The following ABCC8 variants were observed in gnomAD, a reference collection of about 807,000 sequenced individuals.
ABCC8 encodes ATP-binding cassette sub-family C member 8.
Under a neutral mutation model 188.0 loss-of-function variants are expected in ABCC8, and 137 were observed. The ratio of observed to expected loss-of-function variants is 0.73; its 90% CI spans 0.63 to 0.84. ABCC8 has a LOEUF of 0.84. ABCC8 is among the 40% of genes least tolerant of loss of function. The pLI is 0.00. For synonymous variants in ABCC8, 797 were observed against 846.5 expected (o/e 0.94, Z 1.01); for missense variants, 1,750 against 2,072.7 (o/e 0.84, Z 3.02).
chr11:17,459,926 A>G (rs76722212), intron 6 of ABCC8, among the ~76,000 whole-genome samples: 1,991 of 152,346 alleles, frequency 0.013, 26 homozygotes, highest in African/African-American at 0.044. Flanking sequence ...CTTTTCTTAA[A>G]AAAGAAATTT....
intron 5 of ABCC8, 88 bp downstream of exon 5, chr11:17,461,495 G>A: frequency 6.4e-7 from 1 of 1,556,670 alleles, no homozygotes; most frequent in Non-Finnish European, 8.8e-7. Context: ...GTCCCACCAG[G>A]ATTTTGACCT....
rs186281782 is a variant in ABCC8 at position 17,432,112 on chromosome 11, C to T, written c.1671+92G>A. On this transcript the variant is annotated intron_variant, in intron 11 of 38. Transcript: ENST00000389817. Reference sequence around the variant, plus strand: ...CTGTGGAGCCTGTCTTCTGAGGCCCCTGTGCAGAAAGGCCAAATCTGGGCA... The same window carrying T: ...CTGTGGAGCCTGTCTTCTGAGGCCCTTGTGCAGAAAGGCCAAATCTGGGCA... 3.8e-4 allele frequency: 562 copies of T among 1,486,908 alleles called. 1 individual carries two copies. The highest frequency in any genetic ancestry group is 4.9e-4 in the Non-Finnish European group (532 of 1,090,716). 92.1% of individuals were successfully genotyped at this position (1,486,908 alleles called of 1,614,324 possible).
chr11:17,402,523 C>T, intron 29 of ABCC8, 138 bp downstream of exon 29: 1 of 1,548,378 alleles, frequency 6.5e-7, no homozygotes, highest in East Asian at 2.4e-5. Flanking sequence ...ATCCCTTGGG[C>T]CTTGGGACCT....
intron 8 of ABCC8, among the ~76,000 whole-genome samples, chr11:17,446,349 T>C (rs1404384733): frequency 6.6e-6 from 1 of 152,000 alleles, no homozygotes; most frequent in Non-Finnish European, 1.5e-5. Flanking sequence ...CATGTTAGGA[T>C]CCTCCCAGGC....
chr11:17,453,962 G>A (rs1206067927), intron 6 of ABCC8, among the ~76,000 whole-genome samples: 1 of 152,136 alleles, frequency 6.6e-6, no homozygotes, highest in Non-Finnish European at 1.5e-5. Context: ...AAAGATACCA[G>A]GGATCAACAG....
chr11:17,430,359 T>C (rs1955788778), intron 12 of ABCC8: 1 of 298,308 alleles, frequency 3.4e-6, no homozygotes, highest in South Asian at 3.4e-5. Flanking sequence ...GCTGAGGCTG[T>C]GAGGGCTCAG....
At chr11:17,442,651 C>A in intron 10 of ABCC8, 69 bp downstream of exon 10, 1 of 1,515,514 alleles carries the variant, frequency 6.6e-7, no homozygotes, top group Non-Finnish European at 9.2e-7. Flanking sequence ...CCCTCTTACC[C>A]GAGCTCTGAC....
intron 8 of ABCC8, among the ~76,000 whole-genome samples, chr11:17,447,559 G>A (rs193218342): frequency 1.2e-3 from 188 of 152,212 alleles, no homozygotes; most frequent in African/African-American, 4.3e-3. Context: ...CCAGGTAGCT[G>A]GGACTAAAGG....
intron 38 of ABCC8, 37 bp from the exon 39 acceptor site, chr11:17,393,165 G>T: frequency 6.2e-7 from 1 of 1,601,798 alleles, no homozygotes; most frequent in Non-Finnish European, 8.5e-7. Context: ...AGGATGGTGG[G>T]AATACCACCC....
chr11:17,442,640 C>T (rs1327334916), intron 10 of ABCC8, 80 bp downstream of exon 10: 8 of 1,420,286 alleles, frequency 5.6e-6, no homozygotes, highest in African/African-American at 4.2e-5. Flanking sequence ...GTCCCTGCAC[C>T]CCCTCTTACC....
At chr11:17,432,957 G>C (rs1436679742) in intron 10 of ABCC8, among the ~76,000 whole-genome samples, 1 of 152,164 alleles carries the variant, frequency 6.6e-6, no homozygotes, top group African/African-American at 2.4e-5. Flanking sequence ...CCGTGCCTCA[G>C]TTTCCTCATA....
At chr11:17,425,647 T>C (rs1029298109) in intron 16 of ABCC8, among the ~76,000 whole-genome samples, 4 of 152,156 alleles carry the variant, frequency 2.6e-5, no homozygotes, top group Non-Finnish European at 4.4e-5. Flanking sequence ...CATTTCTCAG[T>C]TCCTATTTTC....
chr11:17,464,040 G>T (rs1449875024), intron 3 of ABCC8, among the ~76,000 whole-genome samples: 3 of 152,210 alleles, frequency 2.0e-5, no homozygotes, highest in African/African-American at 7.2e-5. Context: ...GAAAGGTTAG[G>T]TAACAGATCC....
chr11:17,436,650 T>G (rs1956109046), intron 10 of ABCC8, among the ~76,000 whole-genome samples: 1 of 152,208 alleles, frequency 6.6e-6, no homozygotes, highest in Non-Finnish European at 1.5e-5. Flanking sequence ...ACCTTCTTCT[T>G]GTGTAAGTGT....
chr11:17,460,959 G>A, intron 5 of ABCC8: 1 of 533,364 alleles, frequency 1.9e-6, no homozygotes, highest in Non-Finnish European at 3.3e-6. Flanking sequence ...CTGGAATGAG[G>A]AGGTGGCCAT....
intron 10 of ABCC8, chr11:17,436,276 G>A: frequency 2.3e-6 from 1 of 426,168 alleles, no homozygotes; most frequent in Non-Finnish European, 4.4e-6. Flanking sequence ...GATGTGGCTG[G>A]ACCTGGGAAG....
At chr11:17,440,169 G>A (rs56283872) in intron 10 of ABCC8, among the ~76,000 whole-genome samples, 4,701 of 152,152 alleles carry the variant, frequency 0.031, 104 homozygotes, top group South Asian at 0.076. Context: ...TTTCCTTGTT[G>A]TTTCCCTTCC....
intron 10 of ABCC8, among the ~76,000 whole-genome samples, chr11:17,433,302 T>G (rs192298140): frequency 2.2e-4 from 34 of 152,326 alleles, no homozygotes; most frequent in African/African-American, 7.5e-4. Flanking sequence ...GTTCTGCCAT[T>G]AGCCAAATTA....
chr11:17,423,048 C>T (rs1258845806), intron 16 of ABCC8, among the ~76,000 whole-genome samples: 3 of 152,024 alleles, frequency 2.0e-5, no homozygotes, highest in Admixed American at 1.3e-4. Context: ...AGGCCCAGGT[C>T]TTCTCTCCCC....
Sources: gnomAD v4.1 joint callset for allele counts (sites outside exome capture counted in the v4.1 genomes callset) on GRCh38, gnomAD v4.1.1 for gene constraint, MANE v1.5 for transcripts, NCBI Gene and HGNC (gene_info 2026-07-23, HGNC 2026-07-21) for gene names.